MACROD2: variants seen among roughly 807,000 people sequenced by gnomAD.
MACROD2 encodes the protein ADP-ribose glycohydrolase MACROD2.
Under a neutral mutation model 70.4 loss-of-function variants are expected in MACROD2, and 36 were observed. The ratio of observed to expected loss-of-function variants is 0.51; its 90% CI spans 0.39 to 0.68. The LOEUF (loss-of-function observed/expected upper bound fraction) is 0.68. Among genes scored for constraint, MACROD2 ranks in the 30% least tolerant of loss-of-function variants. The probability of loss-of-function intolerance (pLI) is 0.00; values close to 1 mark genes in which losing one functional copy is unlikely to be tolerated. For missense variants in MACROD2, 496 were observed against 538.4 expected, an observed-to-expected ratio of 0.92 and a Z score of 0.78; for synonymous variants, 172 against 178.8, an observed-to-expected ratio of 0.96 and a Z score of 0.30.
intron 8 of MACROD2, among the ~76,000 whole-genome samples, chr20:15,584,372 C>T (rs1045432044): frequency 6.6e-6 from 1 of 152,056 alleles, no homozygotes; most frequent in African/African-American, 2.4e-5. Context: ...GCCAGCTTAA[C>T]ACTTGAGTTA....
chr20:15,629,307 G>A (rs890752902), intron 8 of MACROD2, among the ~76,000 whole-genome samples: 9 of 152,094 alleles, frequency 5.9e-5, no homozygotes, highest in Admixed American at 3.3e-4. Context: ...TTTCTGACGC[G>A]ACTGTTTTGA....
At chr20:14,012,323 G>T (rs1204121464) in intron 2 of MACROD2, among the ~76,000 whole-genome samples, 1 of 152,176 alleles carries the variant, frequency 6.6e-6, no homozygotes, top group Non-Finnish European at 1.5e-5. Flanking sequence ...GTCATATAAT[G>T]ACTTTGCTTT....
intron 5 of MACROD2, chr20:14,905,271 G>A (rs2073945382): frequency 6.6e-6 from 1 of 152,146 alleles, no homozygotes; most frequent in Non-Finnish European, 1.5e-5. Context: ...GAAATGGATA[G>A]AGGAAAGAGA....
chr20:15,282,921 A>G (rs1488843684), intron 6 of MACROD2, among the ~76,000 whole-genome samples: 1 of 152,206 alleles, frequency 6.6e-6, no homozygotes, highest in Non-Finnish European at 1.5e-5. Flanking sequence ...AAAGAGGTTT[A>G]ATTGACTCAC....
chr20:15,898,811 G>A (rs1245468427), intron 10 of MACROD2, among the ~76,000 whole-genome samples: 1 of 151,778 alleles, frequency 6.6e-6, no homozygotes, highest in African/African-American at 2.4e-5. Context: ...CCTTACAAAA[G>A]CACCAGCTCA....
chr20:14,145,255 T>A (rs970424134), intron 3 of MACROD2, among the ~76,000 whole-genome samples: 1 of 152,188 alleles, frequency 6.6e-6, no homozygotes, highest in African/African-American at 2.4e-5. Context: ...TATTTTATTT[T>A]TGCCTTTTTC....
intron 6 of MACROD2, 80 bp downstream of exon 6, chr20:15,230,141 A>G: frequency 7.2e-7 from 1 of 1,380,116 alleles, no homozygotes; most frequent in Non-Finnish European, 9.7e-7. Context: ...AAAGAGAGGT[A>G]GGAAACCATT....
intron 4 of MACROD2, among the ~76,000 whole-genome samples, chr20:14,657,456 A>C (rs368804388): frequency 2.6e-5 from 4 of 152,242 alleles, no homozygotes. Flanking sequence ...AGGGCTATGC[A>C]TGGAAAAATA....
intron 2 of MACROD2, among the ~76,000 whole-genome samples, chr20:14,047,942 G>C (rs1246844327): frequency 1.3e-5 from 2 of 148,588 alleles, no homozygotes; most frequent in Non-Finnish European, 3.0e-5. Flanking sequence ...AGTATCAAAA[G>C]AAAATGAAGT....
chr20:14,438,668 AG>A (rs1390646241), intron 3 of MACROD2, among the ~76,000 whole-genome samples: 24 of 152,174 alleles, frequency 1.6e-4, no homozygotes, highest in African/African-American at 5.5e-4. Flanking sequence ...ATTAAAGATT[AG>A]GGCACCTTTT....
intron 5 of MACROD2, among the ~76,000 whole-genome samples, chr20:14,997,559 C>T (rs2074960345): frequency 6.6e-6 from 1 of 152,168 alleles, no homozygotes; most frequent in Non-Finnish European, 1.5e-5. Context: ...TGTCTTGCAA[C>T]TTGGGTACCA....
chr20:15,025,164 A>C (rs1386762544), intron 5 of MACROD2, among the ~76,000 whole-genome samples: 1 of 152,132 alleles, frequency 6.6e-6, no homozygotes, highest in Non-Finnish European at 1.5e-5. Flanking sequence ...CACAATAAAA[A>C]TTATCCATAT....
chr20:14,360,617 C>G (rs1601527146), intron 3 of MACROD2, among the ~76,000 whole-genome samples: 2 of 152,114 alleles, frequency 1.3e-5, no homozygotes, highest in South Asian at 4.1e-4. Context: ...GCCCTGACAG[C>G]CTTGCTAGGT....
chr20:14,909,537 A>G (rs1173926892), intron 5 of MACROD2, among the ~76,000 whole-genome samples: 1 of 151,876 alleles, frequency 6.6e-6, no homozygotes, highest in East Asian at 1.9e-4. Flanking sequence ...AAGTATACAC[A>G]CCTACTCAAG....
At chr20:14,839,575 C>G (rs1417244941) in intron 5 of MACROD2, among the ~76,000 whole-genome samples, 2 of 151,944 alleles carry the variant, frequency 1.3e-5, no homozygotes, top group Non-Finnish European at 2.9e-5. Context: ...AAAATTGGTT[C>G]CTAAGTAATT....
At chr20:15,570,717 A>T (rs1219865207) in intron 8 of MACROD2, among the ~76,000 whole-genome samples, 1 of 152,174 alleles carries the variant, frequency 6.6e-6, no homozygotes, top group Non-Finnish European at 1.5e-5. Flanking sequence ...TTAGCAAAAG[A>T]AGTATTAGAA....
chr20:15,223,619 T>C (rs1318174568), intron 5 of MACROD2, among the ~76,000 whole-genome samples: 1 of 152,228 alleles, frequency 6.6e-6, no homozygotes, highest in Non-Finnish European at 1.5e-5. Context: ...CTGATTGAGA[T>C]AATAGGTCTG....
chr20:14,140,985 C>G (rs2054865709), intron 3 of MACROD2, among the ~76,000 whole-genome samples: 1 of 152,162 alleles, frequency 6.6e-6, no homozygotes, highest in African/African-American at 2.4e-5. Flanking sequence ...GGATACCTGA[C>G]CTTCCTGCCT....
intron 7 of MACROD2, among the ~76,000 whole-genome samples, chr20:15,480,983 T>A (rs911275277): frequency 3.6e-4 from 55 of 152,262 alleles, no homozygotes; most frequent in African/African-American, 1.3e-3. Context: ...TTTATCAAAT[T>A]TCTGCATTTA....
Sources: gnomAD v4.1 joint callset for allele counts (sites outside exome capture counted in the v4.1 genomes callset) on GRCh38, gnomAD v4.1.1 for gene constraint, MANE v1.5 for transcripts, NCBI Gene and HGNC (gene_info 2026-07-23, HGNC 2026-07-21) for gene names.